Variants in NIPA1 observed in about 807,000 individuals in gnomAD.
The protein encoded by NIPA1 is NIPA magnesium transporter 1, also known as magnesium transporter NIPA1.
NIPA1 carries 13 observed loss-of-function variants against 23.9 expected under a neutral mutation model. That is an observed-to-expected ratio of 0.54 (90% confidence interval 0.35 to 0.87). The LOEUF is 0.87. NIPA1 is among the 40% of genes least tolerant of loss of function. The pLI is 0.01. For missense variants in NIPA1, 362 were observed against 429.7 expected, an observed-to-expected ratio of 0.84 and a Z score of 1.39; for synonymous variants, 234 against 202.9, an observed-to-expected ratio of 1.15 and a Z score of -1.30.
At chr15:22,808,011 G>A (rs1014210570) in intron 1 of NIPA1, among the ~76,000 whole-genome samples, 7 of 151,764 alleles carry the variant, frequency 4.6e-5, no homozygotes, top group Admixed American at 6.6e-5. Context: ...GGATGGTCTC[G>A]GTCTCCTGAC....
At chr15:22,788,359 G>A (rs1458913717) in intron 1 of NIPA1, among the ~76,000 whole-genome samples, 2 of 151,918 alleles carry the variant, frequency 1.3e-5, no homozygotes, top group East Asian at 1.9e-4. Flanking sequence ...AAATTATCCC[G>A]GTGTGGTGGC....
chr15:22,807,782 TTG>T (rs71117484), intron 1 of NIPA1, among the ~76,000 whole-genome samples: 16,868 of 145,748 alleles, frequency 0.12, 1,036 homozygotes, highest in Middle Eastern at 0.23. Flanking sequence ...TTAAATTCAC[TTG>T]TGTGTGTGTG....
At chr15:22,812,109 T>G in intron 2 of NIPA1, 54 bp from the exon 3 acceptor site, 2 of 1,294,244 alleles carry the variant, frequency 1.5e-6, no homozygotes, top group Non-Finnish European at 2.2e-6. Context: ...CTGTGATCAG[T>G]GCTGGAAGAG....
intron 1 of NIPA1, among the ~76,000 whole-genome samples, chr15:22,789,522 C>T (rs2140845053): frequency 6.6e-6 from 1 of 152,160 alleles, no homozygotes; most frequent in South Asian, 2.1e-4. Flanking sequence ...TCACTTACGG[C>T]TGAGAGGAAT....
intron 1 of NIPA1, among the ~76,000 whole-genome samples, chr15:22,791,278 C>T (rs1894819532): frequency 6.6e-6 from 1 of 151,970 alleles, no homozygotes; most frequent in Non-Finnish European, 1.5e-5. Context: ...TGTTATTCCA[C>T]TCTGTATGTC....
chr15:22,805,813 G>A (rs918323389), intron 1 of NIPA1, among the ~76,000 whole-genome samples: 1 of 152,174 alleles, frequency 6.6e-6, no homozygotes, highest in Non-Finnish European at 1.5e-5. Context: ...GATGTTAGAA[G>A]CACACATAAG....
At position 22,829,688 on chromosome 15, in the gene NIPA1, A is replaced by G. The variant is rs1247537801; in HGVS notation, c.*5449A>G. On this transcript the variant is annotated 3_prime_UTR_variant, in exon 5 of 5. Coordinates refer to ENST00000337435, the MANE Select transcript of NIPA1 (RefSeq NM_144599.5). ...TTTGCTTTATAGATGTAGTCATAGC[A>G]TGTTGTTATTGCCTCATGTAAATAA... 1 of 152,182 alleles carries G rather than the reference A, an allele frequency of 6.6e-6. No individual in the cohort carries two copies. Among genetic ancestry groups the G allele is most frequent in the East Asian group, 1.9e-4 (1 of 5,202 alleles). The allele number at this position is 152,182 out of a possible 1,614,324, so 9.4% of individuals were successfully genotyped here.
chr15:22,820,264 G>T (rs775958271), intron 3 of NIPA1, 49 bp from the exon 4 acceptor site: 7 of 1,277,318 alleles, frequency 5.5e-6, no homozygotes, highest in Non-Finnish European at 6.9e-6. Flanking sequence ...TAGAAGAAAG[G>T]TCAGGTAGTT....
intron 1 of NIPA1, among the ~76,000 whole-genome samples, chr15:22,806,152 T>G (rs1015833151): frequency 1.3e-5 from 2 of 152,200 alleles, no homozygotes; most frequent in Non-Finnish European, 2.9e-5. Flanking sequence ...CTTGATCTCC[T>G]GACCTTGTGA....
intron 1 of NIPA1, among the ~76,000 whole-genome samples, chr15:22,800,888 G>T (rs1016886452): frequency 6.7e-6 from 1 of 149,358 alleles, no homozygotes; most frequent in Non-Finnish European, 1.5e-5. Context: ...CTGAGATCAC[G>T]CCACTGCACT....
intron 1 of NIPA1, among the ~76,000 whole-genome samples, chr15:22,788,909 G>T (rs1211896538): frequency 4.1e-5 from 2 of 49,170 alleles, no homozygotes; most frequent in Non-Finnish European, 6.9e-5. Context: ...AGAAGAACAA[G>T]GCTCTGTCTT....
intron 3 of NIPA1, chr15:22,813,960 A>G: frequency 2.3e-6 from 1 of 443,688 alleles, no homozygotes; most frequent in South Asian, 1.6e-5. Flanking sequence ...TGATCTTGGC[A>G]CGTGGCACAT....
chr15:22,814,353 G>A (rs566552132), intron 3 of NIPA1, among the ~76,000 whole-genome samples: 3 of 151,858 alleles, frequency 2.0e-5, no homozygotes, highest in Non-Finnish European at 4.4e-5. Flanking sequence ...TACCTGCTGG[G>A]TTCATGCCCG....
intron 1 of NIPA1, among the ~76,000 whole-genome samples, chr15:22,797,429 G>A (rs1169519704): frequency 6.6e-6 from 1 of 151,480 alleles, no homozygotes; most frequent in Non-Finnish European, 1.5e-5. Context: ...AGCCAGGATG[G>A]TCTCGATCTC....
At chr15:22,796,620 T>A in intron 1 of NIPA1, among the ~76,000 whole-genome samples, 1 of 152,174 alleles carries the variant, frequency 6.6e-6, no homozygotes, top group East Asian at 1.9e-4. Context: ...AGTTCTTTAA[T>A]TAAGCCCTTA....
At chr15:22,791,338 G>A (rs1894820821) in intron 1 of NIPA1, among the ~76,000 whole-genome samples, 2 of 152,056 alleles carry the variant, frequency 1.3e-5, no homozygotes, top group Non-Finnish European at 2.9e-5. Flanking sequence ...GCTAAACAAT[G>A]AAAGTTTAAA....
At chr15:22,789,857 C>T (rs755321314) in intron 1 of NIPA1, among the ~76,000 whole-genome samples, 10 of 151,984 alleles carry the variant, frequency 6.6e-5, no homozygotes, top group Middle Eastern at 3.2e-3. Flanking sequence ...TGCAGTGGCG[C>T]GATCTTGGCT....
At chr15:22,799,841 G>A (rs1194174364) in intron 1 of NIPA1, among the ~76,000 whole-genome samples, 1 of 148,666 alleles carries the variant, frequency 6.7e-6, no homozygotes, top group African/African-American at 2.5e-5. Context: ...CTACTGGGGA[G>A]GCTGAGATAG....
At chr15:22,787,888 A>C (rs1342266118) in intron 1 of NIPA1, among the ~76,000 whole-genome samples, 1 of 152,200 alleles carries the variant, frequency 6.6e-6, no homozygotes, top group Admixed American at 6.5e-5. Flanking sequence ...GTCTCGAATG[A>C]AAATATAAAA....
Sources: gnomAD v4.1 joint callset for allele counts (sites outside exome capture counted in the v4.1 genomes callset) on GRCh38, gnomAD v4.1.1 for gene constraint, MANE v1.5 for transcripts, NCBI Gene and HGNC (gene_info 2026-07-23, HGNC 2026-07-21) for gene names.